Variants in THADA observed in about 807,000 individuals in gnomAD.
THADA encodes THADA armadillo repeat containing.
Under a neutral mutation model 219.8 loss-of-function variants are expected in THADA, and 213 were observed. The ratio of observed to expected loss-of-function variants is 0.97; its 90% CI spans 0.87 to 1.09. THADA has a LOEUF of 1.09. Ranked by LOEUF, THADA falls within the 50% of genes least tolerant of loss-of-function variation. The probability of loss-of-function intolerance (pLI) is 0.00; values close to 1 mark genes in which losing one functional copy is unlikely to be tolerated. For missense variants in THADA, 2,956 were observed against 2,311.3 expected (o/e 1.28, Z -5.72); for synonymous variants, 1,018 against 828.9 (o/e 1.23, Z -3.92).
intron 35 of THADA, among the ~76,000 whole-genome samples, chr2:43,284,264 C>G (rs1673718118): frequency 2.0e-5 from 3 of 152,228 alleles, no homozygotes; most frequent in Non-Finnish European, 1.5e-5. Context: ...ACAGCAGCCC[C>G]TCCCACCAAA....
At position 43,560,354 on chromosome 2, in the gene THADA, A is replaced by G. The variant is rs1697908157; in HGVS notation, c.2343T>C (p.His781=). 1.9e-6 allele frequency: 3 copies of G among 1,611,324 alleles called. No homozygotes were observed. Among genetic ancestry groups the G allele is most frequent in the Non-Finnish European group, 1.7e-6 (2 of 1,178,606 alleles). ...TTTGGAAACGACCAACATCAATATC[A>G]TGACTCAGCTGATATACTGTATAAA... ...GRIYTVYQLS[H]DIDVGRFQTL... Residue 781 remains histidine, a synonymous_variant, in exon 16 of 38, where the codon CAT becomes CAC. Transcript: ENST00000405975.
At chr2:43,548,075 C>G (rs1344980370) in intron 20 of THADA, among the ~76,000 whole-genome samples, 3 of 152,036 alleles carry the variant, frequency 2.0e-5, no homozygotes, top group Non-Finnish European at 4.4e-5. Context: ...GTTAGTTTTC[C>G]TTCTAACAGA....
chr2:43,535,400 G>A (rs1289653944), intron 21 of THADA, among the ~76,000 whole-genome samples: 1 of 150,724 alleles, frequency 6.6e-6, no homozygotes, highest in Non-Finnish European at 1.5e-5. Flanking sequence ...GTTTTCCCAG[G>A]CCAGGCGGTG....
intron 22 of THADA, among the ~76,000 whole-genome samples, chr2:43,512,244 C>G (rs1690570452): frequency 6.6e-6 from 1 of 152,170 alleles, no homozygotes; most frequent in South Asian, 2.1e-4. Flanking sequence ...TTATTCTGCT[C>G]TGGAATTCCC....
Position 43,577,069 on chromosome 2 carries a change from C to G in THADA, c.990G>C (p.Glu330Asp), listed in dbSNP as rs765575282. The G allele has an allele frequency of 3.1e-6, 5 of 1,613,452 alleles. No homozygotes were observed. In the African/African-American group the frequency reaches 4.0e-5, roughly 13 times the overall value. Residue 330 changes from glutamate (E) to aspartate (D), a missense_variant, in exon 10 of 38, where the codon GAG (glutamate) becomes GAC (aspartate). Physicochemically the swap from Glu to Asp is conservative, Grantham distance 45. Coordinates refer to ENST00000405975, the MANE Select transcript of THADA (RefSeq NM_022065.5). ...CATGTGCAGTATCCAAGAGCAGGGC[C>G]TCCCCACTCCGACCCATGCTTCCGT... is the stretch of plus-strand genomic sequence containing the variant. The part of the protein sequence containing the change: ...WQNGSMGRSG[E>D]ALLLDTAHVL...
chr2:43,523,099 C>T (rs1692698685), intron 22 of THADA, among the ~76,000 whole-genome samples: 1 of 152,140 alleles, frequency 6.6e-6, no homozygotes, highest in Non-Finnish European at 1.5e-5. Context: ...GGCGCGGTGG[C>T]TCATGTCCGT....
At chr2:43,414,281 C>T (rs1242024440) in intron 28 of THADA, among the ~76,000 whole-genome samples, 3 of 152,164 alleles carry the variant, frequency 2.0e-5, no homozygotes, top group African/African-American at 7.2e-5. Context: ...TTTAAGTGTA[C>T]AGTTCAGTGG....
At chr2:43,363,979 TG>T (rs1374708987) in intron 29 of THADA, among the ~76,000 whole-genome samples, 1 of 152,328 alleles carries the variant, frequency 6.6e-6, no homozygotes, top group East Asian at 1.9e-4. Context: ...CCCAGGACTT[TG>T]GGAGGCCAAG....
rs1558864377 is a variant in THADA at position 43,501,306 on chromosome 2, C to CAA, written c.3622-2352_3622-2351insTT. ...GGGCAACAAAAGCGAAACTCCAACT[C>CAA]CAAAAAAAAAAAAAAAAAAAAAAAA... On this transcript the variant is annotated intron_variant, in intron 24 of 37. Transcript: ENST00000405975. Among the ~76,000 whole-genome samples, 105 of 12,264 alleles carry CAA rather than the reference C, an allele frequency of 8.6e-3. 4 individuals are homozygous for CAA. Among genetic ancestry groups the CAA allele is most frequent in the African/African-American group, 0.027 (97 of 3,654 alleles). 8.0% of individuals were successfully genotyped at this position (12,264 alleles called of 152,430 possible).
intron 30 of THADA, among the ~76,000 whole-genome samples, chr2:43,331,101 C>T (rs939188900): frequency 6.6e-6 from 1 of 152,164 alleles, no homozygotes. Flanking sequence ...CAGTTTAGAC[C>T]ATATTGAAAC....
At chr2:43,588,419 C>T (rs1701220477) in intron 4 of THADA, among the ~76,000 whole-genome samples, 1 of 151,698 alleles carries the variant, frequency 6.6e-6, no homozygotes, top group African/African-American at 2.4e-5. Context: ...AATTGATAAC[C>T]AAAATAATAT....
intron 26 of THADA, among the ~76,000 whole-genome samples, chr2:43,480,450 G>C (rs1345267994): frequency 1.3e-5 from 2 of 152,150 alleles, no homozygotes; most frequent in Non-Finnish European, 2.9e-5. Context: ...GTAACTAGCA[G>C]AGGGCCTGGC....
chr2:43,568,744 T>C (rs1014820040), intron 14 of THADA, among the ~76,000 whole-genome samples: 2 of 152,100 alleles, frequency 1.3e-5, no homozygotes, highest in Non-Finnish European at 1.5e-5. Context: ...ATATCCACAA[T>C]GATCCATAAT....
chr2:43,468,414 G>T (rs3884504), intron 26 of THADA, among the ~76,000 whole-genome samples: 18 of 151,952 alleles, frequency 1.2e-4, no homozygotes, highest in Non-Finnish European at 2.9e-5. Flanking sequence ...ATTTTCTACT[G>T]AATAACTAAC....
At position 43,572,859 on chromosome 2, in the gene THADA, C is replaced by A. The variant is rs2104015846; in HGVS notation, c.1863G>T (p.Val621=). The A allele has an allele frequency of 1.9e-6, 3 of 1,613,876 alleles. No homozygotes were observed. Among genetic ancestry groups the A allele is most frequent in the Non-Finnish European group, 2.5e-6 (3 of 1,179,836 alleles). ...AGCCTTGCTTTATTCTTGCATCAGA[C>A]ACGAGGTTCTCCCAGGTATCAGTTG... is the stretch of plus-strand genomic sequence containing the variant. ...QSATDTWENL[V]SDARIKQGLI... Residue 621 remains valine (V), a synonymous_variant, in exon 12 of 38, where the codon GTG becomes GTT. Transcript: ENST00000405975.
intron 29 of THADA, among the ~76,000 whole-genome samples, chr2:43,353,749 A>C (rs1668553512): frequency 6.6e-6 from 1 of 151,882 alleles, no homozygotes; most frequent in South Asian, 2.1e-4. Context: ...TCTGCCTCCC[A>C]GGTTCAAGTG....
intron 25 of THADA, among the ~76,000 whole-genome samples, chr2:43,496,079 C>A (rs1688242001): frequency 6.6e-6 from 1 of 152,158 alleles, no homozygotes; most frequent in Non-Finnish European, 1.5e-5. Context: ...GCTTATCATA[C>A]AGGTAAGAAA....
At chr2:43,452,580 G>A (rs1210312093) in intron 26 of THADA, among the ~76,000 whole-genome samples, 2 of 152,056 alleles carry the variant, frequency 1.3e-5, no homozygotes, top group African/African-American at 4.8e-5. Flanking sequence ...ACCCAGACAG[G>A]CCAGTTTCCA....
In THADA at chr2:43,528,025, G is replaced by A. The variant is rs772766008; in HGVS notation, c.3265-37C>T. ...AAGCAAAAACAAATGTCCGATTTAT[G>A]TTTACATTCGCAAGTGTATTTATAT... On this transcript the variant is annotated intron_variant, in intron 21 of 37. Transcript: ENST00000405975. The A allele has an allele frequency of 2.8e-6, 4 of 1,420,578 alleles. No homozygotes were observed. In the East Asian group the frequency reaches 7.8e-5, roughly 28 times the overall value. The allele number at this position is 1,420,578 out of a possible 1,614,324, so 88.0% of individuals were successfully genotyped here.
Sources: allele counts gnomAD v4.1 joint callset (sites outside exome capture counted in the v4.1 genomes callset), GRCh38; gene constraint gnomAD v4.1.1; transcripts MANE v1.5; gene names NCBI Gene and HGNC (gene_info 2026-07-23, HGNC 2026-07-21).